The following MTBP variants were observed in gnomAD, a reference collection of about 807,000 sequenced individuals.
MTBP encodes the protein mdm2-binding protein.
MTBP carries 101 observed loss-of-function variants against 117.0 expected under a neutral mutation model. That is an observed-to-expected ratio of 0.86 (90% CI 0.73 to 1.02). The LOEUF is 1.02. Ranked by LOEUF, MTBP falls within the 50% of genes least tolerant of loss-of-function variation. The probability of loss-of-function intolerance (pLI) is 0.00; values close to 1 mark genes in which losing one functional copy is unlikely to be tolerated. For synonymous variants in MTBP, 350 were observed against 351.5 expected, an observed-to-expected ratio of 1.00 and a Z score of 0.05; for missense variants, 970 against 1,030.9, an observed-to-expected ratio of 0.94 and a Z score of 0.81.
rs1017825540 is a variant in MTBP at position 120,459,183 on chromosome 8, C to G, written c.748-32C>G. On this transcript the variant is annotated intron_variant, in intron 7 of 21. Coordinates refer to ENST00000305949, the MANE Select transcript of MTBP (RefSeq NM_022045.5). The stretch of plus-strand genomic sequence containing the variant: ...AATCTTTATAGCATTATTCATGATA[C>G]TTGTAACTGTGTTTTCTTGGTCTCT... 6 of 1,578,016 alleles carry G rather than the reference C, an allele frequency of 3.8e-6. No individual in the cohort carries two copies. In the Admixed American group the frequency reaches 6.9e-5, roughly 18 times the overall value.
rs1038596563 is a variant in MTBP at position 120,445,455 on chromosome 8, G to A, written c.-16G>A. The A allele has an allele frequency of 3.7e-6, 6 of 1,604,588 alleles. No homozygotes were observed. The highest frequency in any genetic ancestry group is 5.1e-6 in the Non-Finnish European group (6 of 1,172,702). The stretch of plus-strand genomic sequence containing the variant: ...TGGAAGCCGAGACCTAAAGTTGGGG[G>A]GTGATCTCTGAGGAGATGGATCGGT... On this transcript the variant is annotated 5_prime_UTR_variant, in exon 1 of 22. Transcript: ENST00000305949.
At chr8:120,484,313 C>T (rs530689145) in intron 11 of MTBP, among the ~76,000 whole-genome samples, 50 of 152,204 alleles carry the variant, frequency 3.3e-4, no homozygotes, top group African/African-American at 1.1e-3. Flanking sequence ...TGTTCTAAAA[C>T]TGCAGTTTAT....
chr8:120,499,897 G>GT (rs1814545747), intron 14 of MTBP, among the ~76,000 whole-genome samples: 1 of 152,158 alleles, frequency 6.6e-6, no homozygotes, highest in African/African-American at 2.4e-5. Context: ...CACTGCATAA[G>GT]TAAGTTTTCC....
intron 11 of MTBP, among the ~76,000 whole-genome samples, chr8:120,474,403 A>T (rs1486212898): frequency 6.6e-6 from 1 of 152,038 alleles, no homozygotes; most frequent in Non-Finnish European, 1.5e-5. Context: ...AGAGAAGCTG[A>T]GTTTTAGTTA....
At chr8:120,512,474 A>G (rs779153402) in intron 17 of MTBP, among the ~76,000 whole-genome samples, 69 of 152,208 alleles carry the variant, frequency 4.5e-4, no homozygotes, top group Middle Eastern at 3.4e-3. Context: ...CTATAGAAGA[A>G]ATCTTGATAT....
At chr8:120,463,371 T>C (rs77269571) in intron 9 of MTBP, among the ~76,000 whole-genome samples, 7,622 of 152,136 alleles carry the variant, frequency 0.05, 311 homozygotes, top group Middle Eastern at 0.11. Flanking sequence ...AAAAAGAAAT[T>C]GTTATTGGCT....
chr8:120,499,127 A>T lies in MTBP; in HGVS notation c.1609+1573A>T, dbSNP rs866336509. Among the ~76,000 whole-genome samples, 13 of 152,020 alleles carry T rather than the reference A, an allele frequency of 8.6e-5. 1 individual carries two copies. The highest frequency in any genetic ancestry group is 2.7e-4 in the African/African-American group (11 of 41,384). On this transcript the variant is annotated intron_variant, in intron 14 of 21. Coordinates refer to ENST00000305949, the MANE Select transcript of MTBP (RefSeq NM_022045.5). ...ATCATCCTTCATATGGTTTGTAAAA[A>T]CCTTAAATGGTATCTGGCTTCATAC...
chr8:120,477,161 A>ATATTTAATAAATATGGAATTT (rs1269250692), intron 11 of MTBP, among the ~76,000 whole-genome samples: 1 of 152,104 alleles, frequency 6.6e-6, no homozygotes, highest in Non-Finnish European at 1.5e-5. Context: ...AAAGGATTCC[A>ATATTTAATAAATATGGAATTT]TATTTAATAA....
intron 10 of MTBP, among the ~76,000 whole-genome samples, chr8:120,469,044 TA>T (rs1381979723): frequency 1.3e-5 from 2 of 152,208 alleles, no homozygotes; most frequent in East Asian, 1.9e-4. Flanking sequence ...TTTATTTATT[TA>T]TTTTTTTGTT....
chr8:120,463,989 T>C (rs1813636117), intron 10 of MTBP, among the ~76,000 whole-genome samples: 1 of 152,088 alleles, frequency 6.6e-6, no homozygotes, highest in East Asian at 1.9e-4. Flanking sequence ...TTTTAGGAGA[T>C]ATTTTCAGAA....
intron 15 of MTBP, among the ~76,000 whole-genome samples, chr8:120,502,971 T>A (rs1814615556): frequency 1.3e-5 from 2 of 152,230 alleles, no homozygotes; most frequent in Non-Finnish European, 2.9e-5. Flanking sequence ...ACCACTTTGA[T>A]CTTTTCCTGT....
intron 15 of MTBP, among the ~76,000 whole-genome samples, chr8:120,505,384 A>G (rs1814668247): frequency 6.6e-6 from 1 of 152,136 alleles, no homozygotes; most frequent in Non-Finnish European, 1.5e-5. Context: ...TGAGACAGGC[A>G]CTGTATCTTT....
chr8:120,466,598 C>T (rs9774356), intron 10 of MTBP, among the ~76,000 whole-genome samples: 1,722 of 151,346 alleles, frequency 0.011, 19 homozygotes, highest in Non-Finnish European at 0.017. Flanking sequence ...TTCAGCTGGG[C>T]GCGGTGGCTC....
chr8:120,460,701 A>G (rs1563786974), intron 8 of MTBP, among the ~76,000 whole-genome samples: 1 of 150,428 alleles, frequency 6.6e-6, no homozygotes, highest in South Asian at 2.1e-4. Context: ...TTTCACTAGA[A>G]TTTTTTTTTT....
At chr8:120,503,680 C>A (rs142837012) in intron 15 of MTBP, among the ~76,000 whole-genome samples, 1 of 151,996 alleles carries the variant, frequency 6.6e-6, no homozygotes, top group Non-Finnish European at 1.5e-5. Context: ...TGCTTTCTTA[C>A]GGCAAATAAA....
At position 120,455,575 on chromosome 8, in the gene MTBP, G is replaced by T; in HGVS notation, c.625G>T (p.Glu209Ter). Residue 209 changes from glutamate (E) to a stop codon, truncating the protein, a stop_gained, in exon 6 of 22, where the codon GAA (glutamate) becomes TAA (stop). Coordinates refer to ENST00000305949, the MANE Select transcript of MTBP (RefSeq NM_022045.5). LOFTEE classifies it high-confidence loss of function. ...GATCACTATAGCAGGAAATCATTGT[G>T]AAATGTAAGCTTCTTTGTTCATATT... ...AKITIAGNHC[E>*]INCQKIAEYL... The T allele has an allele frequency of 6.2e-7, 1 of 1,607,444 alleles. No individual in the cohort carries two copies. The highest frequency in any genetic ancestry group is 1.1e-5 in the South Asian group (1 of 90,838).
chr8:120,468,181 C>T (rs1252119642), intron 10 of MTBP, among the ~76,000 whole-genome samples: 4 of 151,982 alleles, frequency 2.6e-5, no homozygotes, highest in African/African-American at 4.8e-5. Context: ...TAATTCTTAA[C>T]TACATAAAAT....
At chr8:120,490,056 A>G (rs1009661176) in intron 12 of MTBP, among the ~76,000 whole-genome samples, 8 of 152,174 alleles carry the variant, frequency 5.3e-5, no homozygotes, top group African/African-American at 1.9e-4. Context: ...CAGCACATTT[A>G]TCTAGGTTGG....
Position 120,506,836 on chromosome 8 carries a change from C to A in MTBP, c.1858C>A (p.Leu620Ile), listed in dbSNP as rs763599229. Residue 620 changes from leucine to isoleucine, a missense_variant, in exon 16 of 22, where the codon CTT becomes ATT. By Grantham distance (5) the Leu-to-Ile change is conservative (BLOSUM62 2). Coordinates refer to ENST00000305949, the MANE Select transcript of MTBP (RefSeq NM_022045.5). ...CTCAGATGGATTACCCATTGGAGAT[C>A]TTCAACCTTTACCGATTCAAAAGGG... ...FTSDGLPIGD[L>I]QPLPIQKGEK... The A allele has an allele frequency of 4.3e-6, 7 of 1,611,000 alleles. No individual in the cohort carries two copies. The highest frequency in any genetic ancestry group is 5.9e-6 in the Non-Finnish European group (7 of 1,179,034).
Sources: gnomAD v4.1 joint callset for allele counts (sites outside exome capture counted in the v4.1 genomes callset) on GRCh38, gnomAD v4.1.1 for gene constraint, MANE v1.5 for transcripts, NCBI Gene and HGNC (gene_info 2026-07-23, HGNC 2026-07-21) for gene names.